The following ATRNL1 variants were observed in gnomAD, a reference collection of about 807,000 sequenced individuals.
The protein encoded by ATRNL1 is attractin-like protein 1.
ATRNL1 carries 95 observed loss-of-function variants against 182.7 expected under a neutral mutation model. The ratio of observed to expected loss-of-function variants is 0.52; its 90% CI spans 0.44 to 0.62. ATRNL1 has a LOEUF of 0.62. Among genes scored for constraint, ATRNL1 ranks in the 20% least tolerant of loss-of-function variants. The probability of loss-of-function intolerance (pLI) is 0.00; values close to 1 mark genes in which losing one functional copy is unlikely to be tolerated. For missense variants in ATRNL1, 1,471 were observed against 1,679.5 expected, an observed-to-expected ratio of 0.88 and a Z score of 2.17; for synonymous variants, 576 against 568.3, an observed-to-expected ratio of 1.01 and a Z score of -0.19.
In ATRNL1 at chr10:115,661,543, T is replaced by A. The variant is rs146017622; in HGVS notation, c.3796-65705T>A. 6.8e-4 allele frequency among the ~76,000 whole-genome samples: 104 copies of A among 152,296 alleles called. 2 individuals are homozygous for A. In the East Asian group the frequency reaches 0.016, roughly 23 times the overall value. Reference sequence around the variant, plus strand: ...TGTATAAGTTCCAGTCAGAAGATGATTATGTGCAGAAAGCTTTTGCTTTTG... The same window carrying A: ...TGTATAAGTTCCAGTCAGAAGATGAATATGTGCAGAAAGCTTTTGCTTTTG... On this transcript the variant is annotated intron_variant, in intron 26 of 28. Coordinates refer to ENST00000355044, the MANE Select transcript of ATRNL1 (RefSeq NM_207303.4).
intron 10 of ATRNL1, among the ~76,000 whole-genome samples, chr10:115,242,250 G>A (rs1430615898): frequency 1.3e-5 from 2 of 151,934 alleles, no homozygotes; most frequent in Non-Finnish European, 2.9e-5. Flanking sequence ...AAACCCAGAT[G>A]TATCTGGGAA....
At chr10:115,604,304 A>T (rs1413458196) in intron 26 of ATRNL1, among the ~76,000 whole-genome samples, 1 of 152,146 alleles carries the variant, frequency 6.6e-6, no homozygotes, top group African/African-American at 2.4e-5. Context: ...CTTTATTATG[A>T]TAGAACAGCC....
At chr10:115,590,546 A>G (rs1555011828) in intron 26 of ATRNL1, among the ~76,000 whole-genome samples, 1 of 152,188 alleles carries the variant, frequency 6.6e-6, no homozygotes, top group Non-Finnish European at 1.5e-5. Context: ...ATTTATGAAT[A>G]TTAATGAATA....
intron 26 of ATRNL1, among the ~76,000 whole-genome samples, chr10:115,605,223 G>A (rs1413748676): frequency 6.6e-6 from 1 of 151,972 alleles, no homozygotes; most frequent in Non-Finnish European, 1.5e-5. Flanking sequence ...TGCATCCAGT[G>A]TTGCTATCAT....
At chr10:115,481,781 C>T (rs1159751373) in intron 24 of ATRNL1, among the ~76,000 whole-genome samples, 2 of 150,708 alleles carry the variant, frequency 1.3e-5, no homozygotes, top group Admixed American at 6.6e-5. Flanking sequence ...GCTCTAGACA[C>T]GCTTCCATTT....
chr10:115,744,686 A>G (rs1555068683), intron 27 of ATRNL1, among the ~76,000 whole-genome samples: 2 of 151,948 alleles, frequency 1.3e-5, no homozygotes, highest in Admixed American at 1.3e-4. Context: ...TCAGCCTCCC[A>G]CTGTATTGAA....
intron 1 of ATRNL1, chr10:115,096,832 T>C (rs980481020): frequency 3.5e-6 from 4 of 1,140,190 alleles, no homozygotes; most frequent in Non-Finnish European, 4.4e-6. Context: ...CATTCCTTCC[T>C]TACACAGGTA....
At chr10:115,771,519 C>T (rs1359719494) in intron 27 of ATRNL1, among the ~76,000 whole-genome samples, 7 of 152,262 alleles carry the variant, frequency 4.6e-5, no homozygotes, top group East Asian at 1.9e-4. Context: ...CGTGAGCCAC[C>T]GCGCCCGGCC....
chr10:115,094,108 C>T (rs2084949019), intron 1 of ATRNL1, 65 bp downstream of exon 1: 2 of 1,297,170 alleles, frequency 1.5e-6, no homozygotes, highest in Admixed American at 3.8e-5. Context: ...CCTTCCCCGC[C>T]CCCCTCGCGG....
intron 28 of ATRNL1, among the ~76,000 whole-genome samples, chr10:115,929,272 A>T (rs1285741957): frequency 1.3e-5 from 2 of 152,082 alleles, no homozygotes; most frequent in Non-Finnish European, 2.9e-5. Context: ...AACACTTCTC[A>T]TTTTTAACAT....
chr10:115,364,798 C>T (rs1403391921), intron 19 of ATRNL1, among the ~76,000 whole-genome samples: 2 of 151,514 alleles, frequency 1.3e-5, no homozygotes, highest in African/African-American at 2.4e-5. Context: ...GTGTCTTTGG[C>T]TCTGTTTATA....
At chr10:115,313,961 C>T (rs1854166069) in intron 17 of ATRNL1, among the ~76,000 whole-genome samples, 1 of 152,112 alleles carries the variant, frequency 6.6e-6, no homozygotes, top group Non-Finnish European at 1.5e-5. Flanking sequence ...TGTGGGCTAA[C>T]TGTAATCATA....
At chr10:115,403,501 A>C (rs1225009969) in intron 20 of ATRNL1, among the ~76,000 whole-genome samples, 1 of 151,980 alleles carries the variant, frequency 6.6e-6, no homozygotes, top group Non-Finnish European at 1.5e-5. Context: ...TGTCCCCCAG[A>C]CTGGAGTGCA....
At chr10:115,375,173 ATATATT>A (rs1324773982) in intron 19 of ATRNL1, among the ~76,000 whole-genome samples, 2 of 151,696 alleles carry the variant, frequency 1.3e-5, no homozygotes, top group Non-Finnish European at 3.0e-5. Context: ...TTTGGTGCAT[ATATATT>A]TATAATTGTT....
chr10:115,105,721 A>G (rs1403130764), intron 1 of ATRNL1, among the ~76,000 whole-genome samples: 6 of 152,218 alleles, frequency 3.9e-5, no homozygotes, highest in Admixed American at 2.0e-4. Context: ...CAGAGGGTGC[A>G]AGCTCCAAGC....
intron 26 of ATRNL1, among the ~76,000 whole-genome samples, chr10:115,721,594 A>G (rs1450949682): frequency 1.3e-5 from 2 of 152,146 alleles, no homozygotes; most frequent in Non-Finnish European, 2.9e-5. Context: ...TAAACCCATC[A>G]GTTCTCATGA....
chr10:115,642,104 G>C (rs140131685), intron 26 of ATRNL1, among the ~76,000 whole-genome samples: 1 of 151,956 alleles, frequency 6.6e-6, no homozygotes, highest in Non-Finnish European at 1.5e-5. Context: ...AAATTACATC[G>C]TACAGCATAA....
chr10:115,663,911 A>T (rs1410842565), intron 26 of ATRNL1, among the ~76,000 whole-genome samples: 1 of 152,120 alleles, frequency 6.6e-6, no homozygotes, highest in Non-Finnish European at 1.5e-5. Flanking sequence ...ACTCCGATGT[A>T]GCCAAAGAAG....
intron 27 of ATRNL1, among the ~76,000 whole-genome samples, chr10:115,732,027 A>G (rs533540911): frequency 7.9e-5 from 12 of 152,228 alleles, no homozygotes; most frequent in African/African-American, 2.9e-4. Flanking sequence ...ATGATATTCC[A>G]TTGTATGGAT....
Sources: allele counts gnomAD v4.1 joint callset (sites outside exome capture counted in the v4.1 genomes callset), GRCh38; gene constraint gnomAD v4.1.1; transcripts MANE v1.5; gene names NCBI Gene and HGNC (gene_info 2026-07-23, HGNC 2026-07-21).